MYO1E: variants seen among roughly 807,000 people sequenced by gnomAD.
The protein encoded by MYO1E is unconventional myosin-Ie.
MYO1E carries 68 observed loss-of-function variants against 151.1 expected under a neutral mutation model. The observed-to-expected ratio is 0.45, with a 90% CI of 0.37 to 0.55. The LOEUF (loss-of-function observed/expected upper bound fraction) is 0.55. Ranked by LOEUF, MYO1E falls within the 20% of genes least tolerant of loss-of-function variation. The pLI is 0.00. For synonymous variants in MYO1E, 601 were observed against 501.7 expected (o/e 1.20, Z -2.64); for missense variants, 1,363 against 1,389.3 (o/e 0.98, Z 0.30).
intron 1 of MYO1E, among the ~76,000 whole-genome samples, chr15:59,313,720 T>C (rs1254062470): frequency 1.3e-5 from 2 of 152,158 alleles, no homozygotes; most frequent in Non-Finnish European, 2.9e-5. Context: ...TTAAGTAAAC[T>C]AGGACTCTGT....
chr15:59,367,129 T>C (rs1490798820), intron 1 of MYO1E, among the ~76,000 whole-genome samples: 2 of 152,136 alleles, frequency 1.3e-5, no homozygotes, highest in African/African-American at 4.8e-5. Flanking sequence ...ATATTTCTGC[T>C]TGTTGAAGCA....
intron 1 of MYO1E, among the ~76,000 whole-genome samples, chr15:59,288,010 T>C (rs1453666615): frequency 2.0e-5 from 3 of 152,242 alleles, no homozygotes; most frequent in Non-Finnish European, 4.4e-5. Flanking sequence ...GAGCCTGCCA[T>C]GTTCCTGATG....
intron 18 of MYO1E, among the ~76,000 whole-genome samples, chr15:59,179,725 C>A (rs190297870): frequency 2.2e-4 from 34 of 152,316 alleles, no homozygotes; most frequent in Admixed American, 1.8e-3. Context: ...TGGACTGGTT[C>A]ACATTTAAAT....
At chr15:59,151,049 A>ACACACACG (rs375186279) in intron 26 of MYO1E, among the ~76,000 whole-genome samples, 3 of 129,558 alleles carry the variant, frequency 2.3e-5, no homozygotes, top group Non-Finnish European at 5.1e-5. Context: ...ACACACACAC[A>ACACACACG]CGCGCGCGCG....
intron 1 of MYO1E, among the ~76,000 whole-genome samples, chr15:59,287,999 C>G (rs147653657): frequency 6.6e-6 from 1 of 152,328 alleles, no homozygotes; most frequent in African/African-American, 2.4e-5. Flanking sequence ...AGGCGCTCAG[C>G]GAGCCTGCCA....
intron 27 of MYO1E, 39 bp downstream of exon 27, chr15:59,138,159 C>T (rs1239584496): frequency 6.2e-7 from 1 of 1,606,784 alleles, no homozygotes; most frequent in Non-Finnish European, 8.5e-7. Flanking sequence ...ACTGCATGCT[C>T]TTTGGGAGGC....
chr15:59,322,856 G>A (rs904702559), intron 1 of MYO1E, among the ~76,000 whole-genome samples: 2 of 151,958 alleles, frequency 1.3e-5, no homozygotes, highest in Admixed American at 6.5e-5. Flanking sequence ...CTTTTTTAAA[G>A]GTATATAAGA....
chr15:59,225,639 T>C (rs1403006957), intron 7 of MYO1E, among the ~76,000 whole-genome samples: 2 of 76,892 alleles, frequency 2.6e-5, no homozygotes, highest in Admixed American at 1.8e-4. Context: ...TCTTTTTCTT[T>C]CTTTTCTTTT....
intron 1 of MYO1E, among the ~76,000 whole-genome samples, chr15:59,282,932 GGGA>G (rs2080363887): frequency 7.8e-4 from 1 of 1,278 alleles, no homozygotes; most frequent in African/African-American, 2.2e-3. Flanking sequence ...GAGGGGGAGG[GGGA>G]GGGGGAGGGG....
At chr15:59,316,069 CAG>C (rs1463388599) in intron 1 of MYO1E, among the ~76,000 whole-genome samples, 1 of 152,136 alleles carries the variant, frequency 6.6e-6, no homozygotes, top group East Asian at 1.9e-4. Flanking sequence ...CAGCAGGAGA[CAG>C]AGCAAGTAAG....
At position 59,277,564 on chromosome 15, in the gene MYO1E, A is replaced by AAACAAAAAAAAC. The variant is rs2080328117; in HGVS notation, c.4-5116_4-5115insGTTTTTTTTGTT. On this transcript the variant is annotated intron_variant, in intron 1 of 27. Transcript: ENST00000288235. ...ATCCCCCCACAAAAAAAAAAAAAAA[A>AAACAAAAAAAAC]AAAAAAAAACATCAAAGCCTCATCC... Among the ~76,000 whole-genome samples, 63 of 139,848 alleles carry AAACAAAAAAAAC rather than the reference A, an allele frequency of 4.5e-4. 1 individual carries two copies. The highest frequency in any genetic ancestry group is 1.6e-3 in the African/African-American group (59 of 36,100). The allele number at this position is 139,848 out of a possible 152,430, so 91.7% of individuals were successfully genotyped here.
At chr15:59,319,095 G>C (rs1452948501) in intron 1 of MYO1E, among the ~76,000 whole-genome samples, 2 of 152,128 alleles carry the variant, frequency 1.3e-5, no homozygotes, top group African/African-American at 4.8e-5. Context: ...TGGATCACTT[G>C]AGGTCAGGAG....
chr15:59,244,377 A>G (rs2080117228), intron 4 of MYO1E, among the ~76,000 whole-genome samples: 1 of 152,208 alleles, frequency 6.6e-6, no homozygotes, highest in South Asian at 2.1e-4. Context: ...GATCTTTTAC[A>G]TTACTCTTTA....
At position 59,149,246 on chromosome 15, in the gene MYO1E, C is replaced by T. The variant is rs147804609; in HGVS notation, c.3080+4344G>A. 6.3e-3 allele frequency among the ~76,000 whole-genome samples: 956 copies of T among 151,980 alleles called. 6 individuals carry two copies. The highest frequency in any genetic ancestry group is 9.5e-3 in the Non-Finnish European group (644 of 67,946). On this transcript the variant is annotated intron_variant, in intron 26 of 27. Coordinates refer to ENST00000288235, the MANE Select transcript of MYO1E (RefSeq NM_004998.4). ...TAATTGTTTGTGTTTTTAGTGGAGA[C>T]GGGGTTTCACCGTGTTAATCAGGAT...
rs1164320277 is a variant in MYO1E, at chr15:59,217,519, CTTTT to C, written c.1107+368_1107+371del. ...AACACAAAACCCTCAGTCGTTTTACCTTTTTTTTTTTTTTTTTTTTTTGGGAGAT... is the reference window on the plus strand; with the variant it reads ...AACACAAAACCCTCAGTCGTTTTACCTTTTTTTTTTTTTTTTTTGGGAGAT... On this transcript the variant is annotated intron_variant, in intron 10 of 27. Transcript: ENST00000288235. 2.3e-4 allele frequency among the ~76,000 whole-genome samples: 12 copies of C among 53,164 alleles called. No homozygotes were observed. In the South Asian group the frequency reaches 5.6e-3, roughly 25 times the overall value. The allele number at this position is 53,164 out of a possible 152,430, so 34.9% of individuals were successfully genotyped here. A position where few individuals can be genotyped will look rare whatever the true frequency, so the allele number is the denominator to read the frequency against.
At chr15:59,142,473 C>T (rs547302976) in intron 26 of MYO1E, among the ~76,000 whole-genome samples, 28 of 152,224 alleles carry the variant, frequency 1.8e-4, no homozygotes, top group Non-Finnish European at 3.7e-4. Flanking sequence ...TTGTTCTGCC[C>T]CACCTGCCTC....
chr15:59,284,149 GA>G (rs1189992675), intron 1 of MYO1E, among the ~76,000 whole-genome samples: 1 of 152,240 alleles, frequency 6.6e-6, no homozygotes, highest in African/African-American at 2.4e-5. Context: ...TGGGGCATGG[GA>G]GTGCCCAATC....
intron 22 of MYO1E, among the ~76,000 whole-genome samples, chr15:59,168,299 C>A (rs1017784364): frequency 6.6e-6 from 1 of 151,998 alleles, no homozygotes; most frequent in Non-Finnish European, 1.5e-5. Flanking sequence ...GTAATCCTAG[C>A]ACTTTGGGAG....
At chr15:59,194,962 C>T (rs999562854) in intron 17 of MYO1E, among the ~76,000 whole-genome samples, 4 of 149,826 alleles carry the variant, frequency 2.7e-5, no homozygotes, top group Middle Eastern at 3.2e-3. Context: ...CTCATCAATA[C>T]GGTGCTTAGG....
Sources: gnomAD v4.1 joint callset for allele counts (sites outside exome capture counted in the v4.1 genomes callset) on GRCh38, gnomAD v4.1.1 for gene constraint, MANE v1.5 for transcripts, NCBI Gene and HGNC (gene_info 2026-07-23, HGNC 2026-07-21) for gene names.